Variants in AGTRAP observed in about 807,000 individuals in gnomAD.
AGTRAP encodes the protein type-1 angiotensin II receptor-associated protein.
AGTRAP carries 7 observed loss-of-function variants against 15.2 expected under a neutral mutation model. That is an observed-to-expected ratio of 0.46 (90% confidence interval 0.26 to 0.87). The LOEUF (loss-of-function observed/expected upper bound fraction) is 0.87, where lower values mean the gene tolerates loss of function less well. AGTRAP is among the 40% of genes least tolerant of loss of function. The pLI, the probability that AGTRAP is intolerant of heterozygous loss-of-function variation, is 0.15. For synonymous variants in AGTRAP, 74 were observed against 89.6 expected, an observed-to-expected ratio of 0.83 and a Z score of 0.98; for missense variants, 187 against 213.4, an observed-to-expected ratio of 0.88 and a Z score of 0.77.
Position 11,745,716 on chromosome 1 carries a change from C to T in AGTRAP, c.28-87C>T, listed in dbSNP as rs572730222. 174 of 1,425,188 alleles carry T rather than the reference C, an allele frequency of 1.2e-4. 1 individual carries two copies. The African/African-American group carries it at 1.8e-3, about 15-fold the overall frequency. The allele number at this position is 1,425,188 out of a possible 1,614,324, so 88.3% of individuals were successfully genotyped here. On this transcript the variant is annotated intron_variant, in intron 1 of 4. Coordinates refer to ENST00000314340, the MANE Select transcript of AGTRAP (RefSeq NM_020350.5). This position sits in a 1 kb window ranked among gnomAD's most constrained non-coding sequence, Gnocchi z 4.2. ...CCCTCAGAGGTGCCAGGCGCAGGGG[C>T]GTCCTGTGTTTTCTGCACCCGACGC...
intron 1 of AGTRAP, among the ~76,000 whole-genome samples, chr1:11,739,201 C>G (rs1181780217): frequency 6.6e-6 from 1 of 152,048 alleles, no homozygotes; most frequent in African/African-American, 2.4e-5. Flanking sequence ...AATACAGTCC[C>G]TACCTCCTAG....
intron 1 of AGTRAP, among the ~76,000 whole-genome samples, chr1:11,738,872 C>T (rs1438736791): frequency 6.6e-6 from 1 of 152,226 alleles, no homozygotes; most frequent in East Asian, 1.9e-4. Context: ...CAAGTGTTTG[C>T]ACAGGACTGG....
At position 11,736,243 on chromosome 1, in the gene AGTRAP, C is replaced by T. The variant is rs1641892944; in HGVS notation, c.27+8C>T. 1.2e-6 allele frequency: 2 copies of T among 1,606,708 alleles called. No individual in the cohort carries two copies. Among genetic ancestry groups the T allele is most frequent in the Admixed American group, 1.7e-5 (1 of 58,606 alleles). ...CCTGCTGTGAACCTGAAGGTGGCGACGGGCTGGGGGGAGGGTCCCCTTTGC... is the reference window on the plus strand; with the variant it reads ...CCTGCTGTGAACCTGAAGGTGGCGATGGGCTGGGGGGAGGGTCCCCTTTGC... On this transcript the variant is annotated splice_region_variant and intron_variant, in intron 1 of 4. Coordinates refer to ENST00000314340, the MANE Select transcript of AGTRAP (RefSeq NM_020350.5).
rs1642291915 is a variant in AGTRAP at position 11,750,429 on chromosome 1, A to C, written c.*237A>C. 4.9e-6 allele frequency: 3 copies of C among 607,906 alleles called. No homozygotes were observed. The South Asian group carries it at 5.8e-5, about 12-fold the overall frequency. The allele number at this position is 607,906 out of a possible 1,614,324, so 37.7% of individuals were successfully genotyped here. A position where few individuals can be genotyped will look rare whatever the true frequency, so the allele number is the denominator to read the frequency against. On this transcript the variant is annotated 3_prime_UTR_variant, in exon 5 of 5. Coordinates refer to ENST00000314340, the MANE Select transcript of AGTRAP (RefSeq NM_020350.5). ...GGGCACCCACTGGTTCCCAGGCTGGAACCAGGGTCTCTCTTTACCTCCTAC... is the reference window on the plus strand; with the variant it reads ...GGGCACCCACTGGTTCCCAGGCTGGCACCAGGGTCTCTCTTTACCTCCTAC...
At chr1:11,739,628 A>G (rs934041078) in intron 1 of AGTRAP, among the ~76,000 whole-genome samples, 1 of 152,194 alleles carries the variant, frequency 6.6e-6, no homozygotes, top group African/African-American at 2.4e-5. Context: ...TGTAAGCTTT[A>G]TGAATTGGGC....
chr1:11,743,250 CTTT>C (rs71568348), intron 1 of AGTRAP, among the ~76,000 whole-genome samples: 1 of 145,994 alleles, frequency 6.8e-6, no homozygotes. Context: ...CTTTTCTTTT[CTTT>C]TTTTTTTTTT....
At chr1:11,750,010 G>A in intron 4 of AGTRAP, 67 bp from the exon 5 acceptor site, 1 of 1,323,938 alleles carries the variant, frequency 7.6e-7, no homozygotes, top group Non-Finnish European at 1.1e-6. Flanking sequence ...TCTTGGGTTG[G>A]ACTCAGCTGA....
rs1207560169 is a variant in AGTRAP, at chr1:11,742,361, AAATG to A, written c.28-3441_28-3438del. Among the ~76,000 whole-genome samples, 68 of 152,154 alleles carry A rather than the reference AAATG, an allele frequency of 4.5e-4. 2 individuals are homozygous for A. In the East Asian group the frequency reaches 0.013, roughly 29 times the overall value. ...GTGTGGTCAAGAGTAACTCTTCTAG[AAATG>A]CTTTTTCCTCTGCTGCCAGAGTGAG... On this transcript the variant is annotated intron_variant, in intron 1 of 4. Transcript: ENST00000314340.
intron 1 of AGTRAP, 145 bp downstream of exon 1, chr1:11,736,380 A>G (rs1641896951): frequency 6.8e-6 from 8 of 1,171,910 alleles, no homozygotes; most frequent in Non-Finnish European, 9.6e-6. Context: ...CGCAAGAAGG[A>G]GATGGGCAGG....
intron 1 of AGTRAP, among the ~76,000 whole-genome samples, chr1:11,741,202 C>T (rs1019157370): frequency 1.3e-4 from 20 of 151,972 alleles, no homozygotes; most frequent in African/African-American, 4.8e-4. Flanking sequence ...TGCTCTTCTT[C>T]CCCCTCAGCC....
At position 11,739,501 on chromosome 1, in the gene AGTRAP, G is replaced by A. The variant is rs547732217; in HGVS notation, c.27+3266G>A. 8.5e-5 allele frequency among the ~76,000 whole-genome samples: 13 copies of A among 152,232 alleles called. No homozygotes were observed. In the South Asian group the frequency reaches 1.9e-3, roughly 22 times the overall value. On this transcript the variant is annotated intron_variant, in intron 1 of 4. Coordinates refer to ENST00000314340, the MANE Select transcript of AGTRAP (RefSeq NM_020350.5). Reference sequence around the variant, plus strand: ...CGGGAGGCAGAGGTTGCAGTGAGCCGAGATCGCACCACTGCACTCCAGCCT... The same window carrying A: ...CGGGAGGCAGAGGTTGCAGTGAGCCAAGATCGCACCACTGCACTCCAGCCT...
rs763462111 is a variant in AGTRAP, at chr1:11,750,180, C to T, written c.468C>T (p.Ala156=). The T allele has an allele frequency of 1.2e-5, 19 of 1,613,540 alleles. No homozygotes were observed. Among genetic ancestry groups the T allele is most frequent in the Non-Finnish European group, 1.6e-5 (19 of 1,179,908 alleles). ...FAVPEGRSQD[A]RGY is the part of the protein sequence containing the mutation. ...TCCCAGAGGGCAGGAGTCAAGATGCCCGAGGGTACTGAAGCCAGCCACGCT... is the reference window on the plus strand; with the variant it reads ...TCCCAGAGGGCAGGAGTCAAGATGCTCGAGGGTACTGAAGCCAGCCACGCT... Residue 156 remains alanine, a synonymous_variant, in exon 5 of 5, where the codon GCC becomes GCT. Coordinates refer to ENST00000314340, the MANE Select transcript of AGTRAP (RefSeq NM_020350.5).
chr1:11,746,830 G>C (rs1642175939), intron 2 of AGTRAP, among the ~76,000 whole-genome samples: 1 of 152,246 alleles, frequency 6.6e-6, no homozygotes. Flanking sequence ...TGACAAGTAA[G>C]TCAACAATGT....
intron 1 of AGTRAP, among the ~76,000 whole-genome samples, chr1:11,743,076 C>A (rs1642071766): frequency 6.6e-6 from 1 of 152,168 alleles, no homozygotes; most frequent in Non-Finnish European, 1.5e-5. Flanking sequence ...CTCTGTGCCA[C>A]CCCACCCCGA....
chr1:11,737,264 G>A (rs1641923188), intron 1 of AGTRAP, among the ~76,000 whole-genome samples: 1 of 152,214 alleles, frequency 6.6e-6, no homozygotes, highest in Non-Finnish European at 1.5e-5. Context: ...AGGTGGTGGG[G>A]AGACATGGCT....
chr1:11,746,148 C>T (rs375915810), intron 2 of AGTRAP: 2 of 1,613,636 alleles, frequency 1.2e-6, no homozygotes, highest in African/African-American at 2.7e-5. Flanking sequence ...ATTTCTCTGC[C>T]AAACCAAGAC....
At chr1:11,746,018 G>T (rs1415519849) in intron 2 of AGTRAP, 181 bp downstream of exon 2, 7 of 1,329,004 alleles carry the variant, frequency 5.3e-6, no homozygotes, top group Non-Finnish European at 7.6e-6. Context: ...GCAGGAGCTG[G>T]GAGGGAGACG....
Position 11,746,152 on chromosome 1 carries a change from C to A in AGTRAP, c.62+315C>A, listed in dbSNP as rs570451464. The A allele has an allele frequency of 6.8e-6, 11 of 1,613,698 alleles. No individual in the cohort carries two copies. In the African/African-American group the frequency reaches 1.2e-4, roughly 18 times the overall value. On this transcript the variant is annotated intron_variant, in intron 2 of 4. Coordinates refer to ENST00000314340, the MANE Select transcript of AGTRAP (RefSeq NM_020350.5). Reference sequence around the variant, plus strand: ...CTTCTGGAGACATTTCTCTGCCAAACCAAGACTGGAAACCATTGAGCTCAC... The same window carrying A: ...CTTCTGGAGACATTTCTCTGCCAAAACAAGACTGGAAACCATTGAGCTCAC...
intron 1 of AGTRAP, among the ~76,000 whole-genome samples, chr1:11,744,214 G>T (rs1642104782): frequency 6.6e-6 from 1 of 152,172 alleles, no homozygotes; most frequent in Non-Finnish European, 1.5e-5. Flanking sequence ...GTTTGAGGCT[G>T]CAGTGAGCTG....
Sources: allele counts gnomAD v4.1 joint callset (sites outside exome capture counted in the v4.1 genomes callset), GRCh38; gene constraint gnomAD v4.1.1; non-coding constraint Gnocchi (gnomAD v3.1); transcripts MANE v1.5; gene names NCBI Gene and HGNC (gene_info 2026-07-23, HGNC 2026-07-21).